TBC1D1: variants seen among roughly 807,000 people sequenced by gnomAD.
The protein encoded by TBC1D1 is TBC1 domain family member 1.
A neutral mutation model predicts 125.6 loss-of-function variants in TBC1D1; 89 were observed. The ratio of observed to expected loss-of-function variants is 0.71; its 90% CI spans 0.60 to 0.85. The LOEUF is 0.85. Ranked by LOEUF, TBC1D1 falls within the 40% of genes least tolerant of loss-of-function variation. The pLI is 0.00. For missense variants in TBC1D1, 1,377 were observed against 1,469.2 expected (o/e 0.94, Z 1.03); for synonymous variants, 565 against 564.1 (o/e 1.00, Z -0.02).
chr4:37,899,983 C>T (rs193155669), intron 1 of TBC1D1, among the ~76,000 whole-genome samples: 265 of 152,068 alleles, frequency 1.7e-3, no homozygotes, highest in South Asian at 4.8e-3. Flanking sequence ...TAGCCGGGCG[C>T]GGTGGCAGGC....
At chr4:38,117,525 C>A (rs1319619017) in intron 16 of TBC1D1, among the ~76,000 whole-genome samples, 2 of 152,150 alleles carry the variant, frequency 1.3e-5, no homozygotes, top group Non-Finnish European at 2.9e-5. Context: ...ATATTATACA[C>A]CAAAAGAAAT....
At chr4:38,131,640 A>AG (rs1221643742) in intron 18 of TBC1D1, among the ~76,000 whole-genome samples, 4 of 152,220 alleles carry the variant, frequency 2.6e-5, no homozygotes, top group African/African-American at 7.2e-5. Context: ...AGAGAGGTTA[A>AG]GTACCGAGCT....
In TBC1D1 at chr4:38,049,702, G is replaced by C. The variant is rs745528856; in HGVS notation, c.1714G>C (p.Asp572His). Residue 572 changes from aspartate to histidine, a missense_variant, in exon 11 of 20, where the codon GAC becomes CAC. Asp to His is a moderately conservative substitution (Grantham distance 81). This residue lies in a region of TBC1D1 where 822 missense variants were observed against 824.6 expected (regional missense o/e 1.00). Coordinates refer to ENST00000261439, the MANE Select transcript of TBC1D1 (RefSeq NM_015173.4). ...CGGCTCCTCGGAGGACCTGTCCAGT[G>C]ACTCGGAGAGTCATCTCCCAGAAGA... 1 of 1,614,024 alleles carries C rather than the reference G, an allele frequency of 6.2e-7. No homozygotes were observed. Among genetic ancestry groups the C allele is most frequent in the Admixed American group, 1.7e-5 (1 of 60,004 alleles).
At chr4:38,003,625 T>C (rs1739496942) in intron 2 of TBC1D1, among the ~76,000 whole-genome samples, 1 of 152,142 alleles carries the variant, frequency 6.6e-6, no homozygotes, top group East Asian at 1.9e-4. Flanking sequence ...CTCAGCACTT[T>C]GGGAGGCTGA....
In TBC1D1 at chr4:38,014,945, T is replaced by C. The variant is rs1410413401; in HGVS notation, c.854T>C (p.Ile285Thr). Residue 285 changes from isoleucine (I) to threonine (T), a missense_variant, in exon 3 of 20, where the codon ATC becomes ACC. By Grantham distance (89) the Ile-to-Thr change is moderately conservative. Transcript: ENST00000261439. This position sits in a 1 kb window ranked among gnomAD's most constrained non-coding sequence, Gnocchi z 5.1. ...CACAATATTGTGCAGCCCACAGATATCGAGGAAAATCGAACTATGCTCTTC... is the reference window on the plus strand; with the variant it reads ...CACAATATTGTGCAGCCCACAGATACCGAGGAAAATCGAACTATGCTCTTC... 1.2e-5 allele frequency: 18 copies of C among 1,550,726 alleles called. No individual in the cohort carries two copies. The highest frequency in any genetic ancestry group is 1.4e-5 in the Non-Finnish European group (16 of 1,144,960).
chr4:37,910,150 A>G (rs530749676), intron 2 of TBC1D1, among the ~76,000 whole-genome samples: 35 of 152,312 alleles, frequency 2.3e-4, no homozygotes, highest in East Asian at 2.1e-3. Context: ...ATAGCTTTGC[A>G]TTTTTTACCA....
intron 2 of TBC1D1, among the ~76,000 whole-genome samples, chr4:37,933,979 G>A (rs967647283): frequency 6.6e-6 from 1 of 152,244 alleles, no homozygotes; most frequent in Non-Finnish European, 1.5e-5. Flanking sequence ...GCAGCCTGTT[G>A]TTGCAGGTTG....
intron 2 of TBC1D1, among the ~76,000 whole-genome samples, chr4:37,972,340 G>A (rs1337720067): frequency 6.6e-6 from 1 of 151,932 alleles, no homozygotes; most frequent in Non-Finnish European, 1.5e-5. Flanking sequence ...AATTAGCCAG[G>A]TGTGACAGTG....
intron 12 of TBC1D1, among the ~76,000 whole-genome samples, chr4:38,061,471 A>G (rs1316142758): frequency 6.6e-6 from 1 of 152,218 alleles, no homozygotes; most frequent in Non-Finnish European, 1.5e-5. Flanking sequence ...GTGCTAGGGA[A>G]CAATATTAAA....
At chr4:37,895,581 G>A (rs1032134802) in intron 1 of TBC1D1, among the ~76,000 whole-genome samples, 3 of 152,152 alleles carry the variant, frequency 2.0e-5, no homozygotes, top group Non-Finnish European at 4.4e-5. Flanking sequence ...GCACACACCT[G>A]TAATCCCAGC....
At chr4:38,044,610 T>G in intron 9 of TBC1D1, 120 bp downstream of exon 9, 1 of 1,079,356 alleles carries the variant, frequency 9.3e-7, no homozygotes, top group Non-Finnish European at 1.3e-6. Context: ...AAACCTTTTT[T>G]TATGTTTTCT....
intron 13 of TBC1D1, among the ~76,000 whole-genome samples, chr4:38,091,862 G>A (rs1272278069): frequency 6.6e-6 from 1 of 152,242 alleles, no homozygotes; most frequent in East Asian, 1.9e-4. Flanking sequence ...TTCTTCTAAT[G>A]CTTCCTCATT....
At chr4:38,136,838 C>G (rs191723981) in intron 19 of TBC1D1, among the ~76,000 whole-genome samples, 1 of 152,208 alleles carries the variant, frequency 6.6e-6, no homozygotes, top group Admixed American at 6.5e-5. Context: ...GTGGTGGTGC[C>G]TGGGGGTTTG....
At position 38,115,786 on chromosome 4, in the gene TBC1D1, G is replaced by T; in HGVS notation, c.2634G>T (p.Lys878Asn). The T allele has an allele frequency of 6.2e-7, 1 of 1,614,110 alleles. No individual in the cohort carries two copies. Among genetic ancestry groups the T allele is most frequent in the Non-Finnish European group, 8.5e-7 (1 of 1,180,012 alleles). The change falls in exon 16 of 20, where the codon AAG becomes AAT. Residue 878 changes from lysine to asparagine, a missense_variant. By Grantham distance (94) the Lys-to-Asn change is moderately conservative. Around this residue, in one of 3 missense-constraint regions of TBC1D1, gnomAD observed 543 missense variants for 613.5 expected, o/e 0.89. Coordinates refer to ENST00000261439, the MANE Select transcript of TBC1D1 (RefSeq NM_015173.4). ...AGCTATCGCTTTACAACATTTTGAA[G>T]GCCTACTCACTTCTAGACCAGGAAG...
intron 10 of TBC1D1, among the ~76,000 whole-genome samples, chr4:38,047,260 G>C (rs909617602): frequency 6.6e-6 from 1 of 152,186 alleles, no homozygotes; most frequent in African/African-American, 2.4e-5. Context: ...CGCCTCCCGG[G>C]TTCAGGCCAT....
intron 2 of TBC1D1, among the ~76,000 whole-genome samples, chr4:37,930,508 T>G (rs1723046853): frequency 6.6e-6 from 1 of 152,154 alleles, no homozygotes; most frequent in Non-Finnish European, 1.5e-5. Context: ...TTTTTTTTTT[T>G]TTAAGACAGA....
chr4:37,981,932 C>T (rs1734410448), intron 2 of TBC1D1, among the ~76,000 whole-genome samples: 1 of 152,102 alleles, frequency 6.6e-6, no homozygotes, highest in African/African-American at 2.4e-5. Flanking sequence ...AAAGGAATAC[C>T]AGTGGATAGT....
At chr4:37,982,960 A>G (rs1734654882) in intron 2 of TBC1D1, among the ~76,000 whole-genome samples, 1 of 152,096 alleles carries the variant, frequency 6.6e-6, no homozygotes, top group Admixed American at 6.6e-5. Flanking sequence ...CCCTTGGTGG[A>G]GCTGCACTCA....
At chr4:38,060,613 T>C (rs1752581943) in intron 12 of TBC1D1, 1 of 1,289,164 alleles carries the variant, frequency 7.8e-7, no homozygotes, top group Non-Finnish European at 1.0e-6. Context: ...CCTTCTCTCT[T>C]TTTCAGAACC....
Sources: allele counts gnomAD v4.1 joint callset (sites outside exome capture counted in the v4.1 genomes callset), GRCh38; gene constraint gnomAD v4.1.1; regional missense constraint gnomAD v4.1.1; non-coding constraint Gnocchi (gnomAD v3.1); transcripts MANE v1.5; gene names NCBI Gene and HGNC (gene_info 2026-07-23, HGNC 2026-07-21).